The following CCDC68 variants were observed in gnomAD, a reference collection of about 807,000 sequenced individuals.
CCDC68 encodes the protein coiled-coil domain containing 68.
Under a neutral mutation model 47.1 loss-of-function variants are expected in CCDC68, and 45 were observed. The observed-to-expected ratio is 0.96, with a 90% CI of 0.75 to 1.23. The LOEUF (loss-of-function observed/expected upper bound fraction) is 1.23. Among genes scored for constraint, CCDC68 ranks in the 50% most tolerant of loss-of-function variants. The pLI is 0.00. For missense variants in CCDC68, 353 were observed against 373.6 expected (o/e 0.94, Z 0.45); for synonymous variants, 131 against 129.5 (o/e 1.01, Z -0.08).
At chr18:54,957,627 ACTCT>A (rs60851819) in intron 1 of CCDC68, among the ~76,000 whole-genome samples, 6,127 of 143,768 alleles carry the variant, frequency 0.043, 142 homozygotes, top group Middle Eastern at 0.13. Flanking sequence ...ACACACACAC[ACTCT>A]CTCTCTCTCT....
chr18:54,906,531 C>G (rs994849617), intron 11 of CCDC68, among the ~76,000 whole-genome samples: 1 of 152,128 alleles, frequency 6.6e-6, no homozygotes. Flanking sequence ...CATTCTGGCC[C>G]CATTCCCTCC....
intron 6 of CCDC68, among the ~76,000 whole-genome samples, 170 bp from the exon 7 acceptor site, chr18:54,935,118 C>A (rs2044322389): frequency 1.3e-5 from 2 of 152,144 alleles, no homozygotes; most frequent in Admixed American, 1.3e-4. Context: ...TGATAGACTA[C>A]AACAACATTA....
At chr18:54,929,249 G>A (rs982007259) in intron 7 of CCDC68, among the ~76,000 whole-genome samples, 5 of 151,964 alleles carry the variant, frequency 3.3e-5, no homozygotes, top group Non-Finnish European at 5.9e-5. Context: ...CACCTGTTTC[G>A]CCTACATTAG....
In CCDC68 at chr18:54,920,236, CTTTT is replaced by C. The variant is rs58528142; in HGVS notation, c.684-864_684-861del. ...TCCCAATTCTGTTTCTTTCTTTTTT[CTTTT>C]TTTTTTTTTTTTTGTTGTTGTTGGT... On this transcript the variant is annotated intron_variant, in intron 8 of 11. Transcript: ENST00000591504. 2.6e-3 allele frequency among the ~76,000 whole-genome samples: 348 copies of C among 135,218 alleles called. 1 individual carries two copies. The South Asian group carries it at 0.028, about 11-fold the overall frequency. The allele number at this position is 135,218 out of a possible 152,430, so 88.7% of individuals were successfully genotyped here. A position where few individuals can be genotyped will look rare whatever the true frequency, so the allele number is the denominator to read the frequency against.
At chr18:54,949,754 A>C (rs2044583388) in intron 1 of CCDC68, among the ~76,000 whole-genome samples, 1 of 152,208 alleles carries the variant, frequency 6.6e-6, no homozygotes, top group Non-Finnish European at 1.5e-5. Context: ...GCTGGGGCAC[A>C]GGGACAACAT....
intron 7 of CCDC68, among the ~76,000 whole-genome samples, chr18:54,931,129 T>C (rs9951520): frequency 0.38 from 58,358 of 151,938 alleles, 11,420 homozygotes; most frequent in East Asian, 0.59. Flanking sequence ...TAACAAATGT[T>C]AAATAGACTT....
chr18:54,937,100 CTG>C (rs1234784794), intron 5 of CCDC68, 142 bp from the exon 6 acceptor site: 2 of 728,830 alleles, frequency 2.7e-6, no homozygotes, highest in East Asian at 2.7e-5. Context: ...AGAGAAGACA[CTG>C]TTATTTGGTA....
At position 54,901,962 on chromosome 18, in the gene CCDC68, A is replaced by T. The variant is rs1218875593; in HGVS notation, c.*2396T>A. The T allele has an allele frequency of 6.6e-6, 1 of 152,094 alleles. No homozygotes were observed. The highest frequency in any genetic ancestry group is 1.5e-5 in the Non-Finnish European group (1 of 68,012). The allele number at this position is 152,094 out of a possible 1,614,324, so 9.4% of individuals were successfully genotyped here. On this transcript the variant is annotated 3_prime_UTR_variant, in exon 12 of 12. Transcript: ENST00000591504. The stretch of plus-strand genomic sequence containing the variant: ...GGATATAGGAAACAATCCATACATG[A>T]CGAATAAATGATAAGGCTGATGGTA...
chr18:54,955,709 T>G (rs537898596), intron 1 of CCDC68, among the ~76,000 whole-genome samples: 38 of 151,052 alleles, frequency 2.5e-4, no homozygotes, highest in Non-Finnish European at 5.5e-4. Context: ...GAAGTTCTTT[T>G]TTGTTTGTTT....
chr18:54,942,934 C>G (rs2044462938), intron 2 of CCDC68, 131 bp from the exon 3 acceptor site: 1 of 588,958 alleles, frequency 1.7e-6, no homozygotes, highest in Admixed American at 3.3e-5. Context: ...TCATTGGTAT[C>G]TGTATATATT....
intron 10 of CCDC68, among the ~76,000 whole-genome samples, chr18:54,910,890 AG>A (rs1914323744): frequency 6.6e-6 from 1 of 152,210 alleles, no homozygotes; most frequent in African/African-American, 2.4e-5. Flanking sequence ...AGGCAGTGGG[AG>A]CAGGCACTTC....
rs1439866676 is a variant in CCDC68 at position 54,932,187 on chromosome 18, G to GT, written c.600+2632_600+2633insA. ...ATATAAAATATTTTTAAACCAATTT[G>GT]GTTTTTTTTTTTTTTGAGACAGAGT... is the stretch of plus-strand genomic sequence containing the variant. On this transcript the variant is annotated intron_variant, in intron 7 of 11. Coordinates refer to ENST00000591504, the MANE Select transcript of CCDC68 (RefSeq NM_025214.3). Among the ~76,000 whole-genome samples the GT allele has an allele frequency of 8.6e-5, 11 of 128,126 alleles. No individual in the cohort carries two copies. In the East Asian group the frequency reaches 1.7e-3, roughly 20 times the overall value. 84.1% of individuals were successfully genotyped at this position (128,126 alleles called of 152,430 possible). A position where few individuals can be genotyped will look rare whatever the true frequency, so the allele number is the denominator to read the frequency against.
intron 8 of CCDC68, among the ~76,000 whole-genome samples, chr18:54,919,695 C>A: frequency 6.6e-6 from 1 of 152,172 alleles, no homozygotes; most frequent in East Asian, 1.9e-4. Context: ...AATTGCCTTG[C>A]CTAAGCACCC....
Position 54,903,365 on chromosome 18 carries a change from T to C in CCDC68, c.*993A>G, listed in dbSNP as rs1489366194. 6.6e-6 allele frequency: 1 copy of C among 152,190 alleles called. No individual in the cohort carries two copies. The highest frequency in any genetic ancestry group is 1.9e-4 in the East Asian group (1 of 5,188). The allele number at this position is 152,190 out of a possible 1,614,324, so 9.4% of individuals were successfully genotyped here. On this transcript the variant is annotated 3_prime_UTR_variant, in exon 12 of 12. Coordinates refer to ENST00000591504, the MANE Select transcript of CCDC68 (RefSeq NM_025214.3). Reference sequence around the variant, plus strand: ...GCAAGTCAGAATTTGTTCTATTCACTGCAATCACAAACTCCACCTACAAAG... The same window carrying C: ...GCAAGTCAGAATTTGTTCTATTCACCGCAATCACAAACTCCACCTACAAAG...
rs567990823 is a variant in CCDC68, at chr18:54,937,223, T to G, written c.346-265A>C. The G allele has an allele frequency of 1.8e-5, 7 of 380,952 alleles. No individual in the cohort carries two copies. In the South Asian group the frequency reaches 2.0e-4, roughly 11 times the overall value. 23.6% of individuals were successfully genotyped at this position (380,952 alleles called of 1,614,324 possible). On this transcript the variant is annotated intron_variant, in intron 5 of 11. Coordinates refer to ENST00000591504, the MANE Select transcript of CCDC68 (RefSeq NM_025214.3). ...TGTGCATAGTAACGTCCTGCAGTGA[T>G]AGTCCTCACTGTTCACATAACTCCA...
At chr18:54,927,237 A>T (rs765496171) in intron 8 of CCDC68, among the ~76,000 whole-genome samples, 106 of 152,190 alleles carry the variant, frequency 7.0e-4, no homozygotes, top group Non-Finnish European at 1.2e-3. Flanking sequence ...AAAATTGCAT[A>T]AGCCTGGATG....
intron 6 of CCDC68, among the ~76,000 whole-genome samples, chr18:54,936,321 C>T (rs893633159): frequency 2.4e-4 from 34 of 143,158 alleles, no homozygotes; most frequent in African/African-American, 7.9e-4. Flanking sequence ...AAATATATAA[C>T]TTTATATATT....
chr18:54,904,500 A>C, intron 11 of CCDC68, 85 bp from the exon 12 acceptor site: 1 of 1,025,880 alleles, frequency 9.7e-7, no homozygotes, highest in Admixed American at 1.8e-5. Context: ...AACTACCACA[A>C]TACTATTCAC....
In CCDC68 at chr18:54,904,121, T is replaced by C. The variant is rs559928195; in HGVS notation, c.*237A>G. ...TTTTAATTTAAAGCAGAATCTGTCT[T>C]CCATCATGAGAAGGCACCTGGTTTC... On this transcript the variant is annotated 3_prime_UTR_variant, in exon 12 of 12. Coordinates refer to ENST00000591504, the MANE Select transcript of CCDC68 (RefSeq NM_025214.3). The C allele has an allele frequency of 1.7e-4, 62 of 361,376 alleles. No individual in the cohort carries two copies. The Admixed American group carries it at 2.8e-3, about 16-fold the overall frequency. The allele number at this position is 361,376 out of a possible 1,614,324, so 22.4% of individuals were successfully genotyped here.
Sources: gnomAD v4.1 joint callset for allele counts (sites outside exome capture counted in the v4.1 genomes callset) on GRCh38, gnomAD v4.1.1 for gene constraint, MANE v1.5 for transcripts, NCBI Gene and HGNC (gene_info 2026-07-23, HGNC 2026-07-21) for gene names.